The following TOR1AIP2 variants were observed in gnomAD, a reference collection of about 807,000 sequenced individuals.
The protein encoded by TOR1AIP2 is torsin-1A-interacting protein 2.
Under a neutral mutation model 32.6 loss-of-function variants are expected in TOR1AIP2, and 20 were observed. The ratio of observed to expected loss-of-function variants is 0.61; its 90% CI spans 0.43 to 0.89. The LOEUF (loss-of-function observed/expected upper bound fraction) is 0.89. Ranked by LOEUF, TOR1AIP2 falls within the 40% of genes least tolerant of loss-of-function variation. The probability of loss-of-function intolerance (pLI) is 0.00; values close to 1 mark genes in which losing one functional copy is unlikely to be tolerated. For synonymous variants in TOR1AIP2, 214 were observed against 210.8 expected (o/e 1.02, Z -0.13); for missense variants, 456 against 553.8 (o/e 0.82, Z 1.77).
At position 179,843,798 on chromosome 1, in the gene TOR1AIP2, G is replaced by A. The variant is rs550746511; in HGVS notation, c.*2273C>T. ...ATCAAGCCACAGCACTGCAGCCTGG[G>A]AGTCAGAGTGAGACTCCATCTCAAA... On this transcript the variant is annotated 3_prime_UTR_variant, in exon 7 of 7. Transcript: ENST00000609928. 4 of 135,092 alleles carry A rather than the reference G, an allele frequency of 3.0e-5. No individual in the cohort carries two copies. The highest frequency in any genetic ancestry group is 1.1e-4 in the African/African-American group (4 of 35,948). 8.4% of individuals were successfully genotyped at this position (135,092 alleles called of 1,614,324 possible).
intron 3 of TOR1AIP2, among the ~76,000 whole-genome samples, chr1:179,854,281 T>C (rs1358724049): frequency 6.6e-6 from 1 of 151,904 alleles, no homozygotes. Context: ...AACACAACTT[T>C]AGAGAGAAAA....
chr1:179,852,490 TA>T lies in TOR1AIP2; in HGVS notation c.34+141del, dbSNP rs534138271. ...GTAAAATTCAGTAAATTTGAAAGAA[TA>T]AGTATAATCAAAACAAATGAACCCA... is the stretch of plus-strand genomic sequence containing the variant. On this transcript the variant is annotated intron_variant, in intron 4 of 6. Coordinates refer to ENST00000609928, the MANE Select transcript of TOR1AIP2 (RefSeq NM_001199260.2). 255 of 764,176 alleles carry T rather than the reference TA, an allele frequency of 3.3e-4. No individual in the cohort carries two copies. The African/African-American group carries it at 4.3e-3, about 13-fold the overall frequency. The allele number at this position is 764,176 out of a possible 1,614,324, so 47.3% of individuals were successfully genotyped here. A position where few individuals can be genotyped will look rare whatever the true frequency, so the allele number is the denominator to read the frequency against.
At chr1:179,857,233 A>C (rs770231610) in intron 3 of TOR1AIP2, among the ~76,000 whole-genome samples, 2 of 152,210 alleles carry the variant, frequency 1.3e-5, no homozygotes, top group Non-Finnish European at 2.9e-5. Context: ...GGTTATAATG[A>C]TTCATATTTC....
intron 3 of TOR1AIP2, chr1:179,860,518 T>C: frequency 1.0e-6 from 1 of 985,476 alleles, no homozygotes. Flanking sequence ...CTCTACCTTA[T>C]TCCCCAGTTC....
intron 3 of TOR1AIP2, chr1:179,860,569 T>C: frequency 1.0e-6 from 1 of 985,466 alleles, no homozygotes; most frequent in Non-Finnish European, 1.2e-6. Flanking sequence ...TCTTTCCTCA[T>C]CCTAAAGATT....
intron 3 of TOR1AIP2, among the ~76,000 whole-genome samples, chr1:179,857,450 G>A (rs1696348038): frequency 1.3e-5 from 2 of 152,116 alleles, no homozygotes; most frequent in Admixed American, 6.5e-5. Context: ...TATTTCCTGG[G>A]ACTTTTCTAA....
chr1:179,851,109 CA>C lies in TOR1AIP2; in HGVS notation c.288del (p.Asp96GlufsTer30). 1 of 1,614,230 alleles carries C rather than the reference CA, an allele frequency of 6.2e-7. No individual in the cohort carries two copies. Among genetic ancestry groups the C allele is most frequent in the Non-Finnish European group, 8.5e-7 (1 of 1,180,052 alleles). On this transcript the variant is annotated frameshift_variant, in exon 5 of 7. Coordinates refer to ENST00000609928, the MANE Select transcript of TOR1AIP2 (RefSeq NM_001199260.2). LOFTEE classifies it high-confidence loss of function. ...TEDENKQSFL[D>X]GGKGHHLPSE... ...GAAGGGAGGTGATGCCCTTTTCCGC[CA>C]TCCAGAAAACTCTGCTTGTTCTCAT...
chr1:179,846,101 A>G lies in TOR1AIP2; in HGVS notation c.1383T>C (p.Ser461=), dbSNP rs200595534. The G allele has an allele frequency of 6.2e-7, 1 of 1,614,134 alleles. No individual in the cohort carries two copies. The highest frequency in any genetic ancestry group is 8.5e-7 in the Non-Finnish European group (1 of 1,180,018). ...AAAGGCACCCCTGTTCTTCTATGCT[A>G]CTCACTGGCTGGACTGGCAGTACCA... ...SHLVLPVQPV[S]SIEEQGCLF is the part of the protein sequence containing the mutation. Residue 461 remains serine, a synonymous_variant, in exon 7 of 7, where the codon AGT becomes AGC. Coordinates refer to ENST00000609928, the MANE Select transcript of TOR1AIP2 (RefSeq NM_001199260.2).
At chr1:179,868,117 A>T (rs1254604473) in intron 2 of TOR1AIP2, 1 of 152,242 alleles carries the variant, frequency 6.6e-6, no homozygotes, top group East Asian at 1.9e-4. Flanking sequence ...TGAAAGCATC[A>T]GGACCAATCT....
chr1:179,865,115 A>G, intron 3 of TOR1AIP2: 1 of 1,613,968 alleles, frequency 6.2e-7, no homozygotes, highest in South Asian at 1.1e-5. Flanking sequence ...CCAGTGGCCT[A>G]GTTCTAAACT....
chr1:179,864,389 G>A lies in TOR1AIP2; in HGVS notation c.-147+1047C>T, dbSNP rs115672954. 4.5e-4 allele frequency: 446 copies of A among 992,394 alleles called. 1 individual carries two copies. The African/African-American group carries it at 7.6e-3, about 17-fold the overall frequency. The allele number at this position is 992,394 out of a possible 1,614,324, so 61.5% of individuals were successfully genotyped here. On this transcript the variant is annotated intron_variant, in intron 3 of 6. Transcript: ENST00000609928. ...TCTAGGATCCAGCTATAACGAGGCT[G>A]CTTTCCCACAAAAGTTATCATTAGA... is the stretch of plus-strand genomic sequence containing the variant.
chr1:179,852,903 G>C, intron 3 of TOR1AIP2, 92 bp from the exon 4 acceptor site: 1 of 985,812 alleles, frequency 1.0e-6, no homozygotes, highest in Non-Finnish European at 1.3e-6. Context: ...TGTGTAGCTT[G>C]AGTACTATTT....
intron 3 of TOR1AIP2, chr1:179,861,749 T>A: frequency 1.0e-6 from 1 of 985,440 alleles, no homozygotes; most frequent in African/African-American, 1.7e-5. Context: ...TCTGCTCCCA[T>A]CCTTTTAAGC....
At chr1:179,861,266 T>C (rs1696519268) in intron 3 of TOR1AIP2, 2 of 984,968 alleles carry the variant, frequency 2.0e-6, no homozygotes, top group Non-Finnish European at 1.2e-6. Flanking sequence ...ACAGCATTTA[T>C]ATTTTAATAA....
rs986541684 is a variant in TOR1AIP2 at position 179,843,074 on chromosome 1, T to C, written c.*2997A>G. 7.0e-6 allele frequency: 1 copy of C among 142,766 alleles called. No individual in the cohort carries two copies. Among genetic ancestry groups the C allele is most frequent in the African/African-American group, 2.6e-5 (1 of 38,214 alleles). The allele number at this position is 142,766 out of a possible 1,614,324, so 8.8% of individuals were successfully genotyped here. ...AAAAAAAAAAAAAAAAAAAAAAGTA[T>C]AGAACAAATAGAAATTAACCTAATA... On this transcript the variant is annotated 3_prime_UTR_variant, in exon 7 of 7. Coordinates refer to ENST00000609928, the MANE Select transcript of TOR1AIP2 (RefSeq NM_001199260.2).
At chr1:179,855,700 A>C (rs1696272216) in intron 3 of TOR1AIP2, among the ~76,000 whole-genome samples, 2 of 152,220 alleles carry the variant, frequency 1.3e-5, no homozygotes, top group South Asian at 4.1e-4. Flanking sequence ...TATAATAGAG[A>C]ATCTCATTAA....
At chr1:179,868,117 AG>A (rs753786769) in intron 2 of TOR1AIP2, 9 of 152,360 alleles carry the variant, frequency 5.9e-5, no homozygotes, top group Admixed American at 4.6e-4. Flanking sequence ...TGAAAGCATC[AG>A]GACCAATCTC....
chr1:179,848,246 T>C (rs1291999549), intron 5 of TOR1AIP2, among the ~76,000 whole-genome samples: 1 of 152,064 alleles, frequency 6.6e-6, no homozygotes, highest in Admixed American at 6.5e-5. Flanking sequence ...TTCAGCAAAA[T>C]GTATAAAATC....
chr1:179,852,764 A>G lies in TOR1AIP2; in HGVS notation c.-99T>C. On this transcript the variant is annotated 5_prime_UTR_variant, in exon 4 of 7. Coordinates refer to ENST00000609928, the MANE Select transcript of TOR1AIP2 (RefSeq NM_001199260.2). ...TTTTCTTCTTGTCCCAAGTCCCAAC[A>G]GACTCATGCTTCCCATGGACCCAGG... is the stretch of plus-strand genomic sequence containing the variant. The G allele has an allele frequency of 6.3e-7, 1 of 1,592,520 alleles. No individual in the cohort carries two copies. The highest frequency in any genetic ancestry group is 1.3e-5 in the African/African-American group (1 of 74,362).
Sources: allele counts gnomAD v4.1 joint callset (sites outside exome capture counted in the v4.1 genomes callset), GRCh38; gene constraint gnomAD v4.1.1; transcripts MANE v1.5; gene names NCBI Gene and HGNC (gene_info 2026-07-23, HGNC 2026-07-21).